Variants in ARMC1 observed in about 807,000 individuals in gnomAD.
ARMC1 encodes the protein armadillo repeat containing 1, also known as armadillo repeat-containing protein 1.
Under a neutral mutation model 31.4 loss-of-function variants are expected in ARMC1, and 16 were observed. The observed-to-expected ratio is 0.51, with a 90% CI of 0.34 to 0.77. ARMC1 has a LOEUF of 0.77. Ranked by LOEUF, ARMC1 falls within the 30% of genes least tolerant of loss-of-function variation. The pLI, the probability that ARMC1 is intolerant of heterozygous loss-of-function variation, is 0.01. For synonymous variants in ARMC1, 114 were observed against 118.9 expected (o/e 0.96, Z 0.27); for missense variants, 259 against 347.5 (o/e 0.75, Z 2.02).
At chr8:65,610,388 T>G (rs1808108706) in intron 4 of ARMC1, among the ~76,000 whole-genome samples, 1 of 151,936 alleles carries the variant, frequency 6.6e-6, no homozygotes, top group Non-Finnish European at 1.5e-5. Flanking sequence ...TGACCCACTG[T>G]GCCCAGCTGA....
chr8:65,606,495 C>A (rs1400390646), intron 4 of ARMC1, among the ~76,000 whole-genome samples: 1 of 152,106 alleles, frequency 6.6e-6, no homozygotes, highest in East Asian at 1.9e-4. Flanking sequence ...TTCCTTAAAT[C>A]ACCTGGTATT....
chr8:65,626,179 C>T (rs751639220), intron 2 of ARMC1, among the ~76,000 whole-genome samples: 4 of 152,110 alleles, frequency 2.6e-5, no homozygotes, highest in Non-Finnish European at 4.4e-5. Flanking sequence ...GAGTGAGCCA[C>T]CACGTCTGGC....
chr8:65,628,716 G>C (rs1358887221), intron 1 of ARMC1, among the ~76,000 whole-genome samples: 1 of 151,046 alleles, frequency 6.6e-6, no homozygotes, highest in African/African-American at 2.4e-5. Context: ...AATTAGCCGG[G>C]CATGGTGGCA....
chr8:65,628,050 C>A (rs1808551837), intron 1 of ARMC1, among the ~76,000 whole-genome samples: 2 of 152,104 alleles, frequency 1.3e-5, no homozygotes, highest in Non-Finnish European at 2.9e-5. Context: ...ATTCTACTGC[C>A]TAACAGAAAA....
chr8:65,625,621 C>T (rs1808495500), intron 2 of ARMC1, among the ~76,000 whole-genome samples: 2 of 152,180 alleles, frequency 1.3e-5, no homozygotes, highest in Admixed American at 1.3e-4. Context: ...TCTTTCTTCT[C>T]ATCCTTCTTG....
intron 4 of ARMC1, among the ~76,000 whole-genome samples, chr8:65,608,037 A>ACTG (rs1808040927): frequency 6.6e-6 from 1 of 152,152 alleles, no homozygotes. Context: ...TAATAATGTC[A>ACTG]CTGGATTTTT....
intron 3 of ARMC1, among the ~76,000 whole-genome samples, chr8:65,616,047 T>A (rs912619839): frequency 2.0e-5 from 3 of 152,282 alleles, no homozygotes; most frequent in Non-Finnish European, 2.9e-5. Context: ...CAAAACTGTT[T>A]AATATGCTTA....
intron 4 of ARMC1, among the ~76,000 whole-genome samples, chr8:65,611,990 T>C (rs1808152624): frequency 1.3e-5 from 2 of 152,128 alleles, no homozygotes; most frequent in African/African-American, 4.8e-5. Flanking sequence ...CAGGCTGGTC[T>C]CAAACTCCTG....
chr8:65,608,649 T>C (rs926285973), intron 4 of ARMC1, among the ~76,000 whole-genome samples: 1 of 152,158 alleles, frequency 6.6e-6, no homozygotes, highest in African/African-American at 2.4e-5. Context: ...TCCCCTTCTA[T>C]TATAACCTAG....
At chr8:65,625,887 C>CTTT (rs1318215282) in intron 2 of ARMC1, among the ~76,000 whole-genome samples, 5 of 141,686 alleles carry the variant, frequency 3.5e-5, no homozygotes, top group Non-Finnish European at 6.2e-5. Flanking sequence ...TTTTTAACAA[C>CTTT]TTTTTTTTTT....
chr8:65,629,372 A>G (rs1808586062), intron 1 of ARMC1, among the ~76,000 whole-genome samples: 1 of 152,240 alleles, frequency 6.6e-6, no homozygotes, highest in Admixed American at 6.5e-5. Context: ...ACTCAGCAGC[A>G]GAGAACAGAA....
At chr8:65,615,981 A>G (rs547918998) in intron 3 of ARMC1, among the ~76,000 whole-genome samples, 152 of 152,338 alleles carry the variant, frequency 1.0e-3, no homozygotes, top group African/African-American at 3.6e-3. Context: ...ATGAATCATA[A>G]CACATAATAA....
rs1808409329 is a variant in ARMC1, at chr8:65,622,256, T to C, written c.275+7A>G. On this transcript the variant is annotated splice_region_variant and intron_variant, in intron 3 of 6. Transcript: ENST00000276569. ...TAAATAAATGAGACACTGTCTATTG[T>C]ACTTACTTCTGTATAACATTTTGTA... 1.9e-6 allele frequency: 3 copies of C among 1,599,326 alleles called. No individual in the cohort carries two copies. Among genetic ancestry groups the C allele is most frequent in the Non-Finnish European group, 2.6e-6 (3 of 1,166,876 alleles).
chr8:65,631,627 T>G (rs773573263), intron 1 of ARMC1, among the ~76,000 whole-genome samples: 1 of 152,214 alleles, frequency 6.6e-6, no homozygotes, highest in Non-Finnish European at 1.5e-5. Flanking sequence ...GTTAGGAAAC[T>G]GAAAACAGAT....
intron 2 of ARMC1, among the ~76,000 whole-genome samples, chr8:65,625,598 T>C (rs1273786554): frequency 1.3e-5 from 2 of 152,214 alleles, no homozygotes; most frequent in African/African-American, 2.4e-5. Flanking sequence ...TCCCTATCTA[T>C]AGATCAACCC....
At chr8:65,615,006 C>T (rs1234033467) in intron 3 of ARMC1, among the ~76,000 whole-genome samples, 1 of 151,866 alleles carries the variant, frequency 6.6e-6, no homozygotes, top group Admixed American at 6.6e-5. Flanking sequence ...TTTGTACCTT[C>T]CATAGAACCT....
At chr8:65,633,386 C>A (rs544548984) in intron 1 of ARMC1, among the ~76,000 whole-genome samples, 1 of 152,328 alleles carries the variant, frequency 6.6e-6, no homozygotes, top group Admixed American at 6.5e-5. Flanking sequence ...ACATAACAAT[C>A]CTCAGCGGTT....
intron 4 of ARMC1, 30 bp downstream of exon 4, chr8:65,613,214 G>T: frequency 6.6e-7 from 1 of 1,519,788 alleles, no homozygotes; most frequent in South Asian, 1.3e-5. Context: ...CAGTAAACAT[G>T]ATTTCTCTTT....
intron 4 of ARMC1, among the ~76,000 whole-genome samples, chr8:65,610,903 T>G (rs146519261): frequency 1.3e-5 from 2 of 152,130 alleles, no homozygotes; most frequent in Admixed American, 1.3e-4. Flanking sequence ...ATTATGAAAT[T>G]TATTGGCATA....
Sources: allele counts gnomAD v4.1 joint callset (sites outside exome capture counted in the v4.1 genomes callset), GRCh38; gene constraint gnomAD v4.1.1; transcripts MANE v1.5; gene names NCBI Gene and HGNC (gene_info 2026-07-23, HGNC 2026-07-21).